ANKRD30B: variants seen among roughly 807,000 people sequenced by gnomAD.
ANKRD30B encodes ankyrin repeat domain 30B, also known as ankyrin repeat domain-containing protein 30B.
In ANKRD30B, 144 loss-of-function variants were observed where a neutral mutation model predicts 202.2. The ratio of observed to expected loss-of-function variants is 0.71; its 90% confidence interval spans 0.62 to 0.82. The LOEUF is 0.82. Among genes scored for constraint, ANKRD30B ranks in the 40% least tolerant of loss-of-function variants. The pLI is 0.00. For missense variants in ANKRD30B, 1,487 were observed against 1,669.1 expected (o/e 0.89, Z 1.90); for synonymous variants, 508 against 561.3 (o/e 0.91, Z 1.34).
At chr18:14,854,913 T>G (rs932413645), downstream of ANKRD30B, among the ~76,000 whole-genome samples, 3 of 151,936 alleles carry the variant, frequency 2.0e-5, no homozygotes, top group African/African-American at 7.3e-5. Flanking sequence ...CTATGCTTTT[T>G]TTATTATTAT....
chr18:14,784,364 G>A lies in ANKRD30B; in HGVS notation c.1599G>A (p.Lys533=), dbSNP rs1299907224. The change falls in exon 13 of 44, where the codon AAG becomes AAA. Residue 533 remains lysine, a splice_region_variant and synonymous_variant. Coordinates refer to ENST00000690538, the MANE Select transcript of ANKRD30B (RefSeq NM_001367607.2). ...TTCCTGAGAAGCCATCTGCCTTCAA[G>A]GTATTTAGTTTTATGGTTTCATTTT... ...EELPEKPSAF[K]PAVEMQKTVP... 1.2e-6 allele frequency: 2 copies of A among 1,612,702 alleles called. No homozygotes were observed. Among genetic ancestry groups the A allele is most frequent in the East Asian group, 2.2e-5 (1 of 44,684 alleles).
intron 3 of ANKRD30B, among the ~76,000 whole-genome samples, chr18:14,753,985 G>C (rs1174930742): frequency 6.6e-6 from 1 of 152,090 alleles, no homozygotes; most frequent in East Asian, 1.9e-4. Context: ...TGCATTTAAA[G>C]AAGTAGATAT....
At chr18:14,784,141 ACC>A (rs1967929522) in intron 12 of ANKRD30B, among the ~76,000 whole-genome samples, 193 bp from the exon 13 acceptor site, 1 of 152,068 alleles carries the variant, frequency 6.6e-6, no homozygotes, top group Admixed American at 6.6e-5. Context: ...GATCTATGAA[ACC>A]TATATTTATA....
chr18:14,907,092 A>C, the ANKRD30B span, among the ~76,000 whole-genome samples: 1 of 152,160 alleles, frequency 6.6e-6, no homozygotes, highest in African/African-American at 2.4e-5. Flanking sequence ...AGTAGGCTTT[A>C]GAGAGAATAG....
chr18:14,861,133 G>C, the ANKRD30B span, among the ~76,000 whole-genome samples: 71 of 152,244 alleles, frequency 4.7e-4, no homozygotes, highest in Non-Finnish European at 8.7e-4. Context: ...AAGGAGTTTG[G>C]CTCGTGAAAA....
intron 24 of ANKRD30B, among the ~76,000 whole-genome samples, chr18:14,807,403 T>C (rs1399837160): frequency 6.6e-6 from 1 of 150,610 alleles, no homozygotes; most frequent in African/African-American, 2.5e-5. Flanking sequence ...AAAGCAATTG[T>C]AGAATTCATT....
chr18:14,937,180 C>T, the ANKRD30B span, among the ~76,000 whole-genome samples: 1 of 152,330 alleles, frequency 6.6e-6, no homozygotes, highest in Admixed American at 6.5e-5. Context: ...TTGTGCTTGC[C>T]TCCTTCAGCA....
At chr18:14,936,474 G>C in the ANKRD30B span, among the ~76,000 whole-genome samples, 1 of 152,150 alleles carries the variant, frequency 6.6e-6, no homozygotes, top group African/African-American at 2.4e-5. Context: ...TTATGATGCT[G>C]GGGATAGGGT....
chr18:14,883,503 A>T, the ANKRD30B span: 1 of 148,186 alleles, frequency 6.7e-6, no homozygotes, highest in Non-Finnish European at 1.5e-5. Context: ...GTGTGTACCT[A>T]CCATTGAAAT....
At chr18:14,925,610 C>G in the ANKRD30B span, among the ~76,000 whole-genome samples, 8 of 152,242 alleles carry the variant, frequency 5.3e-5, no homozygotes, top group African/African-American at 1.9e-4. Context: ...TTGTGGCCAG[C>G]TCTGAGGGAA....
chr18:14,805,754 G>A lies in ANKRD30B; in HGVS notation c.2284+1930G>A, dbSNP rs1257305659. Among the ~76,000 whole-genome samples the A allele has an allele frequency of 1.3e-4, 20 of 150,684 alleles. 1 individual carries two copies. The highest frequency in any genetic ancestry group is 4.4e-4 in the African/African-American group (18 of 40,686). ...TTCAGCTTTTGCATTTATTTTCTCAGTGTCATGATTTGCTCCTCTGATTCA... is the reference window on the plus strand; with the variant it reads ...TTCAGCTTTTGCATTTATTTTCTCAATGTCATGATTTGCTCCTCTGATTCA... On this transcript the variant is annotated intron_variant, in intron 24 of 43. Coordinates refer to ENST00000690538, the MANE Select transcript of ANKRD30B (RefSeq NM_001367607.2).
chr18:14,791,328 GT>G, intron 15 of ANKRD30B, 72 bp from the exon 16 acceptor site: 1 of 1,283,320 alleles, frequency 7.8e-7, no homozygotes, highest in Non-Finnish European at 1.1e-6. Flanking sequence ...AAAGATTCTA[GT>G]TAGAAAATTT....
the ANKRD30B span, among the ~76,000 whole-genome samples, chr18:14,927,018 T>A: frequency 6.6e-6 from 1 of 152,200 alleles, no homozygotes; most frequent in Admixed American, 6.5e-5. Context: ...TAGTAGTTGG[T>A]CTAATTTTTG....
At chr18:14,773,896 C>T (rs1249441833) in intron 9 of ANKRD30B, among the ~76,000 whole-genome samples, 6 of 152,038 alleles carry the variant, frequency 3.9e-5, no homozygotes, top group East Asian at 3.9e-4. Flanking sequence ...CCTCATGATC[C>T]GCCCGCCTTG....
chr18:14,922,654 C>CAAAA, the ANKRD30B span, among the ~76,000 whole-genome samples: 1 of 104,884 alleles, frequency 9.5e-6, no homozygotes, highest in Non-Finnish European at 1.9e-5. Flanking sequence ...GACTCCGTCT[C>CAAAA]AAAAAAAAAA....
chr18:14,809,434 A>G (rs942849443), intron 26 of ANKRD30B, among the ~76,000 whole-genome samples: 1 of 150,942 alleles, frequency 6.6e-6, no homozygotes, highest in Non-Finnish European at 1.5e-5. Flanking sequence ...TGGTTAGACC[A>G]GAAATTCTCA....
intron 18 of ANKRD30B, among the ~76,000 whole-genome samples, chr18:14,796,763 A>T (rs1182887403): frequency 6.9e-6 from 1 of 145,756 alleles, no homozygotes; most frequent in African/African-American, 2.5e-5. Context: ...GTCGTCCCGT[A>T]GTGCCAACAA....
intron 9 of ANKRD30B, among the ~76,000 whole-genome samples, chr18:14,777,576 A>C (rs1598604072): frequency 6.6e-6 from 1 of 152,186 alleles, no homozygotes; most frequent in East Asian, 1.9e-4. Flanking sequence ...AATTACTGGC[A>C]TGAACCACTG....
At chr18:14,938,290 T>C in the ANKRD30B span, among the ~76,000 whole-genome samples, 2 of 152,158 alleles carry the variant, frequency 1.3e-5, no homozygotes, top group Non-Finnish European at 2.9e-5. Flanking sequence ...TTTTAGAAAA[T>C]TTAAAAAGTG....
Sources: allele counts gnomAD v4.1 joint callset (sites outside exome capture counted in the v4.1 genomes callset), GRCh38; gene constraint gnomAD v4.1.1; transcripts MANE v1.5; gene names NCBI Gene and HGNC (gene_info 2026-07-23, HGNC 2026-07-21).